Variants in SLC24A2 observed in about 807,000 individuals in gnomAD.
SLC24A2 encodes the protein sodium/potassium/calcium exchanger 2.
A neutral mutation model predicts 62.0 loss-of-function variants in SLC24A2; 36 were observed. The ratio of observed to expected loss-of-function variants is 0.58; its 90% CI spans 0.44 to 0.77. SLC24A2 has a LOEUF of 0.77. SLC24A2 is among the 30% of genes least tolerant of loss of function. The pLI is 0.00. For missense variants in SLC24A2, 846 were observed against 817.9 expected (o/e 1.03, Z -0.42); for synonymous variants, 358 against 294.0 (o/e 1.22, Z -2.23).
the SLC24A2 span, among the ~76,000 whole-genome samples, chr9:20,106,371 C>G: frequency 6.6e-6 from 1 of 152,086 alleles, no homozygotes; most frequent in African/African-American, 2.4e-5. Context: ...ATCGTGATAC[C>G]AAAGCCGGGC....
chr9:20,099,379 C>CA, the SLC24A2 span, among the ~76,000 whole-genome samples: 1 of 152,138 alleles, frequency 6.6e-6, no homozygotes, highest in African/African-American at 2.4e-5. Flanking sequence ...CTTTAGGCAA[C>CA]AAAACCATTA....
chr9:19,738,347 T>A (rs1232596560), intron 2 of SLC24A2, among the ~76,000 whole-genome samples: 1 of 151,982 alleles, frequency 6.6e-6, no homozygotes, highest in East Asian at 1.9e-4. Context: ...TTTTCTGGAG[T>A]GGGGGCTGGA....
the SLC24A2 span, among the ~76,000 whole-genome samples, chr9:20,008,641 C>T: frequency 6.6e-6 from 1 of 152,094 alleles, no homozygotes; most frequent in Non-Finnish European, 1.5e-5. Flanking sequence ...ATCTTCTTCC[C>T]AGGAATATGA....
the SLC24A2 span, among the ~76,000 whole-genome samples, chr9:19,999,520 T>G: frequency 1.3e-5 from 2 of 152,148 alleles, no homozygotes; most frequent in African/African-American, 4.8e-5. Context: ...CAATAAATAC[T>G]CCAACAAAGA....
chr9:19,584,273 T>TAAAAAAAAAAAAAAAAAAAAA (rs5896848), intron 5 of SLC24A2, among the ~76,000 whole-genome samples: 7 of 119,944 alleles, frequency 5.8e-5, no homozygotes, highest in Non-Finnish European at 1.0e-4. Context: ...TAGCAAATAG[T>TAAAAAAAAAAAAAAAAAAAAA]AAAAAAAAAA....
the SLC24A2 span, among the ~76,000 whole-genome samples, chr9:19,994,540 T>A: frequency 6.1e-4 from 93 of 152,256 alleles, no homozygotes; most frequent in African/African-American, 2.2e-3. Flanking sequence ...TAACAAGTCA[T>A]GCCTAAGAGG....
intron 4 of SLC24A2, among the ~76,000 whole-genome samples, chr9:19,602,733 T>A (rs1836874922): frequency 6.6e-6 from 1 of 152,220 alleles, no homozygotes; most frequent in South Asian, 2.1e-4. Flanking sequence ...TCTACCTGTG[T>A]GGTCTTGGGT....
the SLC24A2 span, among the ~76,000 whole-genome samples, chr9:19,838,121 A>T: frequency 4.4e-4 from 67 of 152,320 alleles, no homozygotes; most frequent in African/African-American, 1.5e-3. Flanking sequence ...GTCAATCCGA[A>T]GCCTAAAGAA....
chr9:19,711,156 C>A (rs901075083), intron 2 of SLC24A2, among the ~76,000 whole-genome samples: 2 of 152,140 alleles, frequency 1.3e-5, no homozygotes. Context: ...GAGGTCAAAA[C>A]TATTTTCATA....
chr9:19,789,676 T>C (rs1823282456), upstream of SLC24A2, among the ~76,000 whole-genome samples: 1 of 152,170 alleles, frequency 6.6e-6, no homozygotes, highest in South Asian at 2.1e-4. Flanking sequence ...CAAGATCCCC[T>C]TGACCACAAG....
rs58616827 is a variant in SLC24A2 at position 19,673,444 on chromosome 9, CGTGT to C, written c.931-51149_931-51146del. Among the ~76,000 whole-genome samples the C allele has an allele frequency of 7.0e-4, 91 of 129,870 alleles. 4 individuals carry two copies. Among genetic ancestry groups the C allele is most frequent in the Admixed American group, 6.2e-3 (86 of 13,950 alleles). 85.2% of individuals were successfully genotyped at this position (129,870 alleles called of 152,430 possible). A position where few individuals can be genotyped will look rare whatever the true frequency, so the allele number is the denominator to read the frequency against. On this transcript the variant is annotated intron_variant, in intron 2 of 10. Coordinates refer to ENST00000341998, the MANE Select transcript of SLC24A2 (RefSeq NM_020344.4). ...GTTCTTGTGTGTGTATGTGTGTGTGCGTGTGTGTGTGTGTGTGTGTTTGAGACAC... is the reference window on the plus strand; with the variant it reads ...GTTCTTGTGTGTGTATGTGTGTGTGCGTGTGTGTGTGTGTGTTTGAGACAC...
the SLC24A2 span, among the ~76,000 whole-genome samples, chr9:19,863,361 A>G: frequency 6.6e-6 from 1 of 152,036 alleles, no homozygotes; most frequent in Non-Finnish European, 1.5e-5. Flanking sequence ...AAGAAACATT[A>G]GACTTAATCT....
the SLC24A2 span, among the ~76,000 whole-genome samples, chr9:20,219,893 G>C: frequency 6.6e-6 from 1 of 152,068 alleles, no homozygotes. Flanking sequence ...GAGTGATTAA[G>C]TGCTCTTCAT....
chr9:20,077,861 C>A, the SLC24A2 span, among the ~76,000 whole-genome samples: 3 of 152,096 alleles, frequency 2.0e-5, no homozygotes, highest in Admixed American at 2.0e-4. Context: ...AATAGGGTGA[C>A]TTTTCTACCC....
the SLC24A2 span, among the ~76,000 whole-genome samples, chr9:20,088,424 T>G: frequency 6.6e-6 from 1 of 152,190 alleles, no homozygotes; most frequent in Non-Finnish European, 1.5e-5. Context: ...GCAGCAGCTC[T>G]ATGAAGACGT....
rs188739524 is a variant in SLC24A2 at position 19,560,940 on chromosome 9, G to C, written c.1348-10672C>G. 6.8e-3 allele frequency among the ~76,000 whole-genome samples: 887 copies of C among 130,968 alleles called. 10 individuals carry two copies. Among genetic ancestry groups the C allele is most frequent in the African/African-American group, 0.022 (790 of 35,946 alleles). The allele number at this position is 130,968 out of a possible 152,430, so 85.9% of individuals were successfully genotyped here. A position where few individuals can be genotyped will look rare whatever the true frequency, so the allele number is the denominator to read the frequency against. ...ATAGAGAGAGAGAGAGAGAGAGAGAGAGAGAGACAGAGTCTTACTCTGTCA... is the reference window on the plus strand; with the variant it reads ...ATAGAGAGAGAGAGAGAGAGAGAGACAGAGAGACAGAGTCTTACTCTGTCA... On this transcript the variant is annotated intron_variant, in intron 7 of 10. Coordinates refer to ENST00000341998, the MANE Select transcript of SLC24A2 (RefSeq NM_020344.4).
Position 19,788,668 on chromosome 9 carries a change from C to G in SLC24A2, c.-154+217G>C, listed in dbSNP as rs1823251299. 3 of 985,258 alleles carry G rather than the reference C, an allele frequency of 3.0e-6. No homozygotes were observed. The East Asian group carries it at 3.4e-4, about 112-fold the overall frequency. The allele number at this position is 985,258 out of a possible 1,614,324, so 61.0% of individuals were successfully genotyped here. ...GCAGGCCCTGCCCCACGCCCCCCATCCCAAGCCAAAAGCAAGGGTAGGAGA... is the reference window on the plus strand; with the variant it reads ...GCAGGCCCTGCCCCACGCCCCCCATGCCAAGCCAAAAGCAAGGGTAGGAGA... On this transcript the variant is annotated intron_variant, in intron 1 of 10. Coordinates refer to ENST00000341998, the MANE Select transcript of SLC24A2 (RefSeq NM_020344.4).
At chr9:19,589,114 T>A (rs1671839642) in intron 5 of SLC24A2, among the ~76,000 whole-genome samples, 1 of 152,254 alleles carries the variant, frequency 6.6e-6, no homozygotes, top group Admixed American at 6.5e-5. Flanking sequence ...GAAATTTATT[T>A]TATATGTATA....
At chr9:19,986,318 G>A in the SLC24A2 span, among the ~76,000 whole-genome samples, 1 of 152,084 alleles carries the variant, frequency 6.6e-6, no homozygotes, top group Non-Finnish European at 1.5e-5. Context: ...GTACATTGCT[G>A]GTGGGAATAA....
Sources: allele counts gnomAD v4.1 joint callset (sites outside exome capture counted in the v4.1 genomes callset), GRCh38; gene constraint gnomAD v4.1.1; transcripts MANE v1.5; gene names NCBI Gene and HGNC (gene_info 2026-07-23, HGNC 2026-07-21).